NHEJ1: variants seen among roughly 807,000 people sequenced by gnomAD.
The protein encoded by NHEJ1 is non-homologous end-joining factor 1.
A neutral mutation model predicts 39.4 loss-of-function variants in NHEJ1; 22 were observed. That is an observed-to-expected ratio of 0.56 (90% CI 0.40 to 0.80). The LOEUF is 0.80. Among genes scored for constraint, NHEJ1 ranks in the 30% least tolerant of loss-of-function variants. The pLI is 0.00. For synonymous variants in NHEJ1, 154 were observed against 135.6 expected, an observed-to-expected ratio of 1.14 and a Z score of -0.94; for missense variants, 329 against 357.1, an observed-to-expected ratio of 0.92 and a Z score of 0.63.
chr2:219,147,962 A>C (rs1949758965), intron 3 of NHEJ1, among the ~76,000 whole-genome samples, 167 bp from the exon 4 acceptor site: 1 of 152,222 alleles, frequency 6.6e-6, no homozygotes, highest in Admixed American at 6.5e-5. Context: ...ACAATAATTA[A>C]ATATATTAAG....
chr2:219,157,399 A>AG (rs1949864185), intron 3 of NHEJ1, 73 bp downstream of exon 3: 2 of 1,362,120 alleles, frequency 1.5e-6, no homozygotes, highest in Non-Finnish European at 2.1e-6. Flanking sequence ...TGCAAAAAAA[A>AG]TAAAAGCACC....
intron 5 of NHEJ1, among the ~76,000 whole-genome samples, chr2:219,096,479 G>A (rs138589696): frequency 8.8e-4 from 134 of 151,836 alleles, no homozygotes; most frequent in African/African-American, 3.1e-3. Flanking sequence ...CCCTGCCCTT[G>A]AGGAGCTTAT....
chr2:219,159,505 A>G (rs1302497214), intron 1 of NHEJ1, among the ~76,000 whole-genome samples: 2 of 125,174 alleles, frequency 1.6e-5, no homozygotes, highest in Non-Finnish European at 3.5e-5. Flanking sequence ...GTGACTTGTG[A>G]CATAACTTTA....
At chr2:219,118,153 C>T (rs902829427) in intron 5 of NHEJ1, among the ~76,000 whole-genome samples, 1 of 152,180 alleles carries the variant, frequency 6.6e-6, no homozygotes, top group Non-Finnish European at 1.5e-5. Flanking sequence ...TTTGAACTCA[C>T]ATAACCTAGC....
chr2:219,078,816 G>A (rs990148300), intron 5 of NHEJ1, among the ~76,000 whole-genome samples: 3 of 151,934 alleles, frequency 2.0e-5, no homozygotes, highest in Non-Finnish European at 4.4e-5. Flanking sequence ...CCCCAAGGGA[G>A]TGAAAACTGT....
chr2:219,133,848 C>A (rs1414076541), intron 5 of NHEJ1, among the ~76,000 whole-genome samples: 3 of 152,160 alleles, frequency 2.0e-5, no homozygotes, highest in Non-Finnish European at 4.4e-5. Context: ...TCCACAAATC[C>A]CACAGAAAGA....
At chr2:219,159,526 C>CATATATATATGCATATATATATATGCAT (rs1381320439) in intron 1 of NHEJ1, among the ~76,000 whole-genome samples, 19 of 42,090 alleles carry the variant, frequency 4.5e-4, no homozygotes, top group East Asian at 2.5e-3. Flanking sequence ...TATATATATG[C>CATATATATATGCATATATATATATGCAT]ATATATATAT....
At chr2:219,084,783 C>A (rs1431206508) in intron 5 of NHEJ1, among the ~76,000 whole-genome samples, 1 of 152,212 alleles carries the variant, frequency 6.6e-6, no homozygotes, top group Non-Finnish European at 1.5e-5. Context: ...CCTTTACTCT[C>A]CAATTCTTCA....
chr2:219,076,540 C>T (rs191252060), intron 7 of NHEJ1, 85 bp from the exon 8 acceptor site: 1 of 1,083,148 alleles, frequency 9.2e-7, no homozygotes, highest in Admixed American at 2.0e-5. Flanking sequence ...TCTCATGGCT[C>T]CTGGTTAGGA....
Position 219,077,277 on chromosome 2 carries a change from G to A in NHEJ1, c.794C>T (p.Pro265Leu), listed in dbSNP as rs770425392. ...CTCTTTCTCAGGTGCTGAGAGGGTT[G>A]GGGCTGAGGAGACCAGTTGTTCTGG... ...NQPEQLVSSA[P>L]TLSAPEKEST... The change falls in exon 7 of 8, where the codon CCA (proline) becomes CTA (leucine). Residue 265 changes from proline (P) to leucine (L), a missense_variant. By Grantham distance (98) the Pro-to-Leu change is moderately conservative. Transcript: ENST00000356853. 14 of 1,613,924 alleles carry A rather than the reference G, an allele frequency of 8.7e-6. No homozygotes were observed. The highest frequency in any genetic ancestry group is 1.2e-5 in the Non-Finnish European group (14 of 1,179,926).
intron 3 of NHEJ1, among the ~76,000 whole-genome samples, chr2:219,149,824 A>C (rs1268611192): frequency 4.6e-5 from 7 of 152,202 alleles, no homozygotes; most frequent in Admixed American, 3.3e-4. Flanking sequence ...CCCTGTTGCA[A>C]CTACTGGACT....
chr2:219,079,159 T>C (rs1949040940), intron 5 of NHEJ1, among the ~76,000 whole-genome samples: 1 of 152,174 alleles, frequency 6.6e-6, no homozygotes, highest in African/African-American at 2.4e-5. Context: ...CAAAGTGCGA[T>C]AAAAATGAGA....
intron 5 of NHEJ1, among the ~76,000 whole-genome samples, chr2:219,142,808 T>A (rs1185769536): frequency 6.6e-6 from 1 of 152,204 alleles, no homozygotes; most frequent in Non-Finnish European, 1.5e-5. Context: ...TCCATGAAGA[T>A]CATGCCAACA....
chr2:219,115,444 G>C (rs1949404517), intron 5 of NHEJ1, among the ~76,000 whole-genome samples: 1 of 152,194 alleles, frequency 6.6e-6, no homozygotes, highest in Non-Finnish European at 1.5e-5. Context: ...GAGGGGAAGG[G>C]AGGAACAGAA....
intron 3 of NHEJ1, among the ~76,000 whole-genome samples, chr2:219,148,758 G>A (rs1949766248): frequency 1.3e-5 from 2 of 152,134 alleles, no homozygotes; most frequent in Admixed American, 6.5e-5. Flanking sequence ...TAGCCCAGAA[G>A]GACCCTGGAG....
intron 5 of NHEJ1, among the ~76,000 whole-genome samples, chr2:219,104,883 T>C (rs183494429): frequency 8.3e-4 from 127 of 152,292 alleles, no homozygotes; most frequent in Admixed American, 2.2e-3. Context: ...ATTGCAGACT[T>C]GGGAAGAAAG....
chr2:219,071,038 C>G lies in NHEJ1; in HGVS notation c.*5343G>C, dbSNP rs188062079. Among the ~76,000 whole-genome samples the G allele has an allele frequency of 2.2e-3, 337 of 152,348 alleles. 1 individual carries two copies. The highest frequency in any genetic ancestry group is 7.7e-3 in the African/African-American group (322 of 41,576). ...TAAATGAAACTGGCAGTCTTCCCTTCTCATGTGGCATCAGGCTTTTTCTGT... is the reference window on the plus strand; with the variant it reads ...TAAATGAAACTGGCAGTCTTCCCTTGTCATGTGGCATCAGGCTTTTTCTGT... On this transcript the variant is annotated 3_prime_UTR_variant, in exon 8 of 8. Coordinates refer to ENST00000356853, the MANE Select transcript of NHEJ1 (RefSeq NM_024782.3).
intron 3 of NHEJ1, among the ~76,000 whole-genome samples, chr2:219,156,629 A>T (rs1420614986): frequency 6.6e-6 from 1 of 152,210 alleles, no homozygotes; most frequent in Non-Finnish European, 1.5e-5. Flanking sequence ...TCAAATTCCA[A>T]CTCATTTATT....
chr2:219,098,827 T>G (rs747842601), intron 5 of NHEJ1, among the ~76,000 whole-genome samples: 2 of 152,202 alleles, frequency 1.3e-5, no homozygotes, highest in Non-Finnish European at 2.9e-5. Context: ...AAGAAACTAG[T>G]CAGCATGGTT....
Sources: allele counts gnomAD v4.1 joint callset (sites outside exome capture counted in the v4.1 genomes callset), GRCh38; gene constraint gnomAD v4.1.1; transcripts MANE v1.5; gene names NCBI Gene and HGNC (gene_info 2026-07-23, HGNC 2026-07-21).